Variants in TTC28 observed in about 807,000 individuals in gnomAD.
The protein encoded by TTC28 is tetratricopeptide repeat protein 28.
A neutral mutation model predicts 198.0 loss-of-function variants in TTC28; 61 were observed. The ratio of observed to expected loss-of-function variants is 0.31; its 90% CI spans 0.25 to 0.38. The LOEUF is 0.38. Ranked by LOEUF, TTC28 falls within the 10% of genes least tolerant of loss-of-function variation. The probability of loss-of-function intolerance (pLI) is 1.00; values close to 1 mark genes in which losing one functional copy is unlikely to be tolerated. For synonymous variants in TTC28, 1,171 were observed against 1,297.8 expected (o/e 0.90, Z 2.10); for missense variants, 2,678 against 3,164.0 (o/e 0.85, Z 3.69).
intron 2 of TTC28, among the ~76,000 whole-genome samples, chr22:28,620,142 G>C (rs993536635): frequency 6.6e-6 from 1 of 152,134 alleles, no homozygotes; most frequent in African/African-American, 2.4e-5. Context: ...ACGAGGTCAG[G>C]AGTTCGAGAC....
At position 28,263,508 on chromosome 22, in the gene TTC28, T is replaced by C. The variant is rs780451488; in HGVS notation, c.933+32690A>G. Among the ~76,000 whole-genome samples, 5 of 152,192 alleles carry C rather than the reference T, an allele frequency of 3.3e-5. 1 individual carries two copies. The highest frequency in any genetic ancestry group is 7.4e-5 in the Non-Finnish European group (5 of 68,020). On this transcript the variant is annotated intron_variant, in intron 5 of 22. Coordinates refer to ENST00000397906, the MANE Select transcript of TTC28 (RefSeq NM_001145418.2). ...TTAATTATAAACATTCAATCCTGAA[T>C]GAAGACAATTTACTACATACTGATG...
chr22:28,145,946 G>T (rs1321507023), intron 6 of TTC28, among the ~76,000 whole-genome samples: 1 of 152,186 alleles, frequency 6.6e-6, no homozygotes, highest in Non-Finnish European at 1.5e-5. Context: ...AGAAACTGAG[G>T]CAGAAATCAG....
At chr22:28,025,318 T>C (rs1057481306) in intron 13 of TTC28, among the ~76,000 whole-genome samples, 1 of 152,180 alleles carries the variant, frequency 6.6e-6, no homozygotes, top group African/African-American at 2.4e-5. Context: ...ATTAACCTTA[T>C]TGCATCCTAG....
At chr22:28,505,905 G>A (rs1480985104) in intron 2 of TTC28, among the ~76,000 whole-genome samples, 1 of 152,246 alleles carries the variant, frequency 6.6e-6, no homozygotes, top group East Asian at 1.9e-4. Context: ...TCCCGGGGAA[G>A]AAGGGTGGCC....
At chr22:28,572,758 A>G (rs1157005357) in intron 2 of TTC28, among the ~76,000 whole-genome samples, 1 of 152,188 alleles carries the variant, frequency 6.6e-6, no homozygotes, top group East Asian at 1.9e-4. Flanking sequence ...GCAATATTCT[A>G]TTTCGTTTTG....
intron 9 of TTC28, among the ~76,000 whole-genome samples, chr22:28,099,284 C>T (rs1005426617): frequency 7.2e-5 from 11 of 152,216 alleles, no homozygotes; most frequent in African/African-American, 2.7e-4. Flanking sequence ...CTCACAACTC[C>T]ACTCATCATG....
chr22:28,233,885 C>G (rs955112449), intron 5 of TTC28, among the ~76,000 whole-genome samples: 5 of 151,350 alleles, frequency 3.3e-5, no homozygotes, highest in African/African-American at 1.2e-4. Context: ...ACTACAGGCA[C>G]CCACCACCAC....
At chr22:28,603,632 C>A (rs972473393) in intron 2 of TTC28, among the ~76,000 whole-genome samples, 2 of 152,000 alleles carry the variant, frequency 1.3e-5, no homozygotes. Flanking sequence ...TGTCCTCAAG[C>A]GATTCTCCTG....
intron 10 of TTC28, among the ~76,000 whole-genome samples, chr22:28,098,454 G>A (rs1294385753): frequency 2.0e-5 from 3 of 152,188 alleles, no homozygotes; most frequent in Non-Finnish European, 4.4e-5. Context: ...GTTCTCACCT[G>A]TGATCCCAGC....
At chr22:28,206,870 C>T (rs187605034) in intron 5 of TTC28, among the ~76,000 whole-genome samples, 1 of 152,194 alleles carries the variant, frequency 6.6e-6, no homozygotes. Flanking sequence ...AACTGACTCA[C>T]GTTGTTACAG....
At chr22:28,402,812 T>C (rs560876851) in intron 2 of TTC28, among the ~76,000 whole-genome samples, 1 of 152,364 alleles carries the variant, frequency 6.6e-6, no homozygotes, top group African/African-American at 2.4e-5. Context: ...ATGGTAACTG[T>C]TGCTATCATT....
chr22:28,011,635 A>G (rs1342586691), intron 14 of TTC28, among the ~76,000 whole-genome samples: 1 of 152,138 alleles, frequency 6.6e-6, no homozygotes, highest in East Asian at 1.9e-4. Flanking sequence ...GGTTGAATCC[A>G]TAGATGAGGA....
chr22:28,660,062 T>C (rs1240537210), intron 1 of TTC28, among the ~76,000 whole-genome samples: 1 of 152,172 alleles, frequency 6.6e-6, no homozygotes, highest in African/African-American at 2.4e-5. Context: ...CCCAAAGTAC[T>C]AGGATTACAT....
intron 14 of TTC28, among the ~76,000 whole-genome samples, chr22:28,008,922 A>C (rs979552686): frequency 5.3e-5 from 8 of 152,238 alleles, no homozygotes; most frequent in Non-Finnish European, 1.0e-4. Flanking sequence ...GGCAAGAAGC[A>C]GGGAAGTCCA....
At chr22:28,427,528 T>G (rs2047367586) in intron 2 of TTC28, among the ~76,000 whole-genome samples, 1 of 152,140 alleles carries the variant, frequency 6.6e-6, no homozygotes, top group South Asian at 2.1e-4. Context: ...GGCGGGCGCC[T>G]GTAATCCCAG....
chr22:28,203,652 A>G (rs1474927043), intron 5 of TTC28, among the ~76,000 whole-genome samples: 2 of 152,118 alleles, frequency 1.3e-5, no homozygotes, highest in Non-Finnish European at 2.9e-5. Context: ...TCAGGAGTCT[A>G]ACGTGCAGAA....
At chr22:28,303,777 T>C (rs1388001369) in intron 3 of TTC28, 1 of 152,414 alleles carries the variant, frequency 6.6e-6, no homozygotes, top group Non-Finnish European at 1.5e-5. Flanking sequence ...GCAATAGTAG[T>C]TACAACTAAC....
intron 13 of TTC28, 115 bp from the exon 14 acceptor site, chr22:28,014,507 A>C (rs1601517967): frequency 3.3e-6 from 4 of 1,212,852 alleles, no homozygotes. Flanking sequence ...CACAGCAGCA[A>C]CCCCGCCAGC....
At position 28,195,970 on chromosome 22, in the gene TTC28, T is replaced by C. The variant is rs1171093665; in HGVS notation, c.934-32371A>G. Among the ~76,000 whole-genome samples the C allele has an allele frequency of 4.3e-3, 646 of 150,060 alleles. 11 individuals carry two copies. Among genetic ancestry groups the C allele is most frequent in the African/African-American group, 0.012 (483 of 40,974 alleles). ...TCATATGGAACCAAAAAAGAGCCCG[T>C]ATTGCCAAGTCAATCCTAAGCCAAA... On this transcript the variant is annotated intron_variant, in intron 5 of 22. Coordinates refer to ENST00000397906, the MANE Select transcript of TTC28 (RefSeq NM_001145418.2).
Sources: allele counts gnomAD v4.1 joint callset (sites outside exome capture counted in the v4.1 genomes callset), GRCh38; gene constraint gnomAD v4.1.1; transcripts MANE v1.5; gene names NCBI Gene and HGNC (gene_info 2026-07-23, HGNC 2026-07-21).